Variants in PPIL1 observed in about 807,000 individuals in gnomAD.
The protein encoded by PPIL1 is peptidylprolyl isomerase like 1.
A neutral mutation model predicts 19.4 loss-of-function variants in PPIL1; 14 were observed. The observed-to-expected ratio is 0.72, with a 90% CI of 0.48 to 1.13. The LOEUF (loss-of-function observed/expected upper bound fraction) is 1.13. Ranked by LOEUF, PPIL1 falls within the 50% of genes most tolerant of loss-of-function variation. The pLI, the probability that PPIL1 is intolerant of heterozygous loss-of-function variation, is 0.00. For synonymous variants in PPIL1, 72 were observed against 73.6 expected (o/e 0.98, Z 0.11); for missense variants, 192 against 218.0 (o/e 0.88, Z 0.75).
intron 2 of PPIL1, among the ~76,000 whole-genome samples, chr6:36,865,593 C>T (rs1774379565): frequency 6.6e-6 from 1 of 152,264 alleles, no homozygotes; most frequent in African/African-American, 2.4e-5. Context: ...TCAAAATGCC[C>T]TTCCCTCTAC....
chr6:36,868,141 C>A (rs1031342674), intron 2 of PPIL1, among the ~76,000 whole-genome samples: 5 of 152,064 alleles, frequency 3.3e-5, no homozygotes, highest in Admixed American at 1.3e-4. Context: ...TATAATATAA[C>A]AAAAGCTCAA....
chr6:36,855,418 C>T lies in PPIL1; in HGVS notation c.*395G>A, dbSNP rs143510745. The T allele has an allele frequency of 8.4e-6, 2 of 238,862 alleles. No homozygotes were observed. Among genetic ancestry groups the T allele is most frequent in the Non-Finnish European group, 1.7e-5 (2 of 119,176 alleles). 14.8% of individuals were successfully genotyped at this position (238,862 alleles called of 1,614,324 possible). A position where few individuals can be genotyped will look rare whatever the true frequency, so the allele number is the denominator to read the frequency against. On this transcript the variant is annotated 3_prime_UTR_variant, in exon 4 of 4. Coordinates refer to ENST00000373699, the MANE Select transcript of PPIL1 (RefSeq NM_016059.5). The stretch of plus-strand genomic sequence containing the variant: ...TTGGAATTCTGTGGCTGTCAGCCAT[C>T]AAGGACTGCTGTGTAGGCCAGAATA...
At chr6:36,867,678 A>T (rs1359181080) in intron 2 of PPIL1, among the ~76,000 whole-genome samples, 3 of 152,216 alleles carry the variant, frequency 2.0e-5, no homozygotes, top group African/African-American at 7.2e-5. Flanking sequence ...TGACAGAGGG[A>T]CACCACTGGC....
intron 2 of PPIL1, among the ~76,000 whole-genome samples, chr6:36,868,845 AAACAAC>A (rs373148463): frequency 2.6e-5 from 4 of 151,896 alleles, no homozygotes; most frequent in African/African-American, 7.3e-5. Flanking sequence ...CTGTCTCCAA[AAACAAC>A]AACAACAACA....
intron 2 of PPIL1, among the ~76,000 whole-genome samples, chr6:36,863,219 T>C (rs1288442959): frequency 6.6e-6 from 1 of 152,236 alleles, no homozygotes; most frequent in African/African-American, 2.4e-5. Context: ...GGAGGCAGCC[T>C]GCCTGGGTTT....
intron 1 of PPIL1, among the ~76,000 whole-genome samples, chr6:36,874,371 G>T (rs1346209001): frequency 6.6e-6 from 1 of 152,182 alleles, no homozygotes; most frequent in South Asian, 2.1e-4. Flanking sequence ...TAAAGGCAGG[G>T]CTGTCTGTGT....
Position 36,866,858 on chromosome 6 carries a change from A to C in PPIL1, c.211+4860T>G, listed in dbSNP as rs1583115197. 3.3e-5 allele frequency among the ~76,000 whole-genome samples: 5 copies of C among 152,304 alleles called. No individual in the cohort carries two copies. The South Asian group carries it at 1.0e-3, about 32-fold the overall frequency. ...AGACTCTGCCTCCCTGTTGTGCCGA[A>C]CCTCTATTGACTCCAATGGGGATGG... is the stretch of plus-strand genomic sequence containing the variant. On this transcript the variant is annotated intron_variant, in intron 2 of 3. Transcript: ENST00000373699.
At position 36,855,969 on chromosome 6, in the gene PPIL1, G is replaced by A; in HGVS notation, c.345C>T (p.Thr115=). Residue 115 remains threonine, a synonymous_variant, in exon 4 of 4, where the codon ACC becomes ACT. Coordinates refer to ENST00000373699, the MANE Select transcript of PPIL1 (RefSeq NM_016059.5). ...CGTCAAGCCACTGGGTGGGGGCGAG[G>A]GTCACAAAGAACTGGCTGCCATTGG... ...PDTNGSQFFV[T]LAPTQWLDGK... is the part of the protein sequence containing the mutation. The A allele has an allele frequency of 6.2e-7, 1 of 1,614,164 alleles. No homozygotes were observed. Among genetic ancestry groups the A allele is most frequent in the Non-Finnish European group, 8.5e-7 (1 of 1,180,028 alleles).
chr6:36,857,376 G>A (rs752728772), intron 2 of PPIL1, among the ~76,000 whole-genome samples: 1 of 152,208 alleles, frequency 6.6e-6, no homozygotes, highest in Non-Finnish European at 1.5e-5. Context: ...AACAGGGCCA[G>A]GTGTGGTGGC....
At chr6:36,868,750 T>C (rs1324332749) in intron 2 of PPIL1, among the ~76,000 whole-genome samples, 1 of 151,842 alleles carries the variant, frequency 6.6e-6, no homozygotes, top group Admixed American at 6.6e-5. Context: ...GTAGGAGAAA[T>C]GCTTGAGCCC....
chr6:36,864,221 A>C (rs1774350813), intron 2 of PPIL1, among the ~76,000 whole-genome samples: 1 of 152,040 alleles, frequency 6.6e-6, no homozygotes, highest in Non-Finnish European at 1.5e-5. Context: ...AAACAAGCCT[A>C]ATCGCAGCAC....
intron 2 of PPIL1, among the ~76,000 whole-genome samples, chr6:36,862,007 T>G (rs1774300972): frequency 6.6e-6 from 1 of 152,150 alleles, no homozygotes; most frequent in African/African-American, 2.4e-5. Context: ...GTGTTGTTTC[T>G]TAAAAACAAA....
chr6:36,857,169 C>T (rs1247742702), intron 2 of PPIL1, among the ~76,000 whole-genome samples: 1 of 152,156 alleles, frequency 6.6e-6, no homozygotes, highest in African/African-American at 2.4e-5. Context: ...CTCAGGCAGC[C>T]GTTATTAATT....
At chr6:36,863,028 C>A (rs1409294906) in intron 2 of PPIL1, among the ~76,000 whole-genome samples, 3 of 152,166 alleles carry the variant, frequency 2.0e-5, no homozygotes, top group African/African-American at 7.2e-5. Context: ...ATGGGAGTAG[C>A]AGTAACACCT....
At chr6:36,859,441 A>C (rs1473054418) in intron 2 of PPIL1, among the ~76,000 whole-genome samples, 1 of 151,586 alleles carries the variant, frequency 6.6e-6, no homozygotes, top group East Asian at 1.9e-4. Context: ...AAAAAAAAAA[A>C]AAAAAAGTCA....
chr6:36,860,442 CAA>C (rs370157244), intron 2 of PPIL1, among the ~76,000 whole-genome samples: 2 of 149,882 alleles, frequency 1.3e-5, no homozygotes, highest in African/African-American at 4.9e-5. Flanking sequence ...TGTCTGTCTC[CAA>C]AAAAAAAGAG....
intron 1 of PPIL1, among the ~76,000 whole-genome samples, chr6:36,873,530 G>A (rs1270468129): frequency 1.3e-5 from 2 of 152,154 alleles, no homozygotes; most frequent in African/African-American, 4.8e-5. Flanking sequence ...AACTGTTGAT[G>A]GTGTTTTCAG....
At chr6:36,869,133 T>C (rs916917539) in intron 2 of PPIL1, among the ~76,000 whole-genome samples, 1 of 151,986 alleles carries the variant, frequency 6.6e-6, no homozygotes, top group African/African-American at 2.4e-5. Context: ...TACAGGCATA[T>C]GCGACCATGC....
chr6:36,860,223 T>C (rs570805215), intron 2 of PPIL1, among the ~76,000 whole-genome samples: 30 of 151,974 alleles, frequency 2.0e-4, no homozygotes, highest in African/African-American at 2.9e-4. Flanking sequence ...TCCCAACACT[T>C]TGGGAGGCTG....
Sources: allele counts gnomAD v4.1 joint callset (sites outside exome capture counted in the v4.1 genomes callset), GRCh38; gene constraint gnomAD v4.1.1; transcripts MANE v1.5; gene names NCBI Gene and HGNC (gene_info 2026-07-23, HGNC 2026-07-21).